The following FAM107B variants were observed in gnomAD, a reference collection of about 807,000 sequenced individuals.
FAM107B encodes the protein protein FAM107B.
In FAM107B, 21 loss-of-function variants were observed where a neutral mutation model predicts 31.5. The ratio of observed to expected loss-of-function variants is 0.67; its 90% confidence interval spans 0.47 to 0.96. The LOEUF is 0.96. FAM107B is among the 40% of genes least tolerant of loss of function. FAM107B has a pLI of 0.00. For synonymous variants in FAM107B, 157 were observed against 141.5 expected, an observed-to-expected ratio of 1.11 and a Z score of -0.78; for missense variants, 452 against 377.1, an observed-to-expected ratio of 1.20 and a Z score of -1.64.
chr10:14,674,828 G>A (rs1315585936), intron 1 of FAM107B, among the ~76,000 whole-genome samples: 4 of 151,998 alleles, frequency 2.6e-5, no homozygotes, highest in African/African-American at 7.2e-5. Context: ...TCAACCTCCC[G>A]GGTTCAAGTG....
At chr10:14,566,276 TCCA>T (rs1469041389) in intron 2 of FAM107B, among the ~76,000 whole-genome samples, 1 of 152,146 alleles carries the variant, frequency 6.6e-6, no homozygotes, top group African/African-American at 2.4e-5. Context: ...CACATTCCTC[TCCA>T]CCTACTGTTC....
At chr10:14,625,259 CGTGT>C (rs55688523) in intron 2 of FAM107B, among the ~76,000 whole-genome samples, 34 of 146,112 alleles carry the variant, frequency 2.3e-4, no homozygotes, top group African/African-American at 2.3e-4. Flanking sequence ...CGTGTGCGTG[CGTGT>C]GTGTGTGTGT....
rs188089391 is a variant in FAM107B, at chr10:14,750,554, G to C, written c.411+23699C>G. Among the ~76,000 whole-genome samples, 46 of 152,324 alleles carry C rather than the reference G, an allele frequency of 3.0e-4. 1 individual carries two copies. In the East Asian group the frequency reaches 7.5e-3, roughly 25 times the overall value. On this transcript the variant is annotated intron_variant, in intron 1 of 4. Transcript: ENST00000181796. ...TTGAACCCGGGAGGGGGAGGTTGCAGTGAGCTGAGATCACGCCACTGCACT... is the reference window on the plus strand; with the variant it reads ...TTGAACCCGGGAGGGGGAGGTTGCACTGAGCTGAGATCACGCCACTGCACT...
chr10:14,767,020 G>GTGTGTATATA (rs1354065285), intron 1 of FAM107B, among the ~76,000 whole-genome samples: 1 of 30,414 alleles, frequency 3.3e-5, no homozygotes, highest in African/African-American at 8.5e-5. Context: ...TCCCTGATGT[G>GTGTGTATATA]TATGTATATA....
chr10:14,693,190 A>G (rs1156506415), intron 1 of FAM107B, among the ~76,000 whole-genome samples: 1 of 152,206 alleles, frequency 6.6e-6, no homozygotes, highest in Non-Finnish European at 1.5e-5. Flanking sequence ...TATTTAAGGT[A>G]TATGGCCGGG....
chr10:14,554,737 G>A (rs1003724655), intron 2 of FAM107B, among the ~76,000 whole-genome samples: 1 of 152,198 alleles, frequency 6.6e-6, no homozygotes, highest in Non-Finnish European at 1.5e-5. Flanking sequence ...GGGTTACACT[G>A]TCCCTTTCTT....
intron 1 of FAM107B, among the ~76,000 whole-genome samples, chr10:14,713,222 C>T (rs1331196647): frequency 2.6e-5 from 4 of 152,172 alleles, no homozygotes; most frequent in Admixed American, 6.5e-5. Context: ...CCATACTGTT[C>T]GTCACCCTTG....
chr10:14,705,754 G>GA, intron 1 of FAM107B, among the ~76,000 whole-genome samples: 1 of 152,168 alleles, frequency 6.6e-6, no homozygotes. Context: ...CAGAGATTCA[G>GA]TTTTTTGCAA....
chr10:14,761,026 A>G (rs1833034370), intron 1 of FAM107B, among the ~76,000 whole-genome samples: 1 of 151,188 alleles, frequency 6.6e-6, no homozygotes, highest in Non-Finnish European at 1.5e-5. Context: ...AAAAAAAAAA[A>G]AAAAAAAAAA....
Position 14,521,878 on chromosome 10 carries a change from C to T in FAM107B, c.795G>A (p.Lys265=), listed in dbSNP as rs759233265. The change falls in exon 4 of 5, where the codon AAG becomes AAA. Residue 265 remains lysine, a synonymous_variant. Transcript: ENST00000181796. The stretch of plus-strand genomic sequence containing the variant: ...AGCCAATCCCCCTTACCTGCTCCAA[C>T]TTCTGCTGCCGTTTTAATAGCTCTA... The part of the protein sequence containing the change: ...LEIELLKRQQ[K]LEQLELEKQK... 2.5e-6 allele frequency: 4 copies of T among 1,613,752 alleles called. No homozygotes were observed. The highest frequency in any genetic ancestry group is 2.7e-5 in the African/African-American group (2 of 74,882).
chr10:14,539,504 A>G (rs1411755644), intron 2 of FAM107B, among the ~76,000 whole-genome samples: 1 of 152,194 alleles, frequency 6.6e-6, no homozygotes, highest in Non-Finnish European at 1.5e-5. Flanking sequence ...AAAACAAAGC[A>G]GTTCTCACAT....
At chr10:14,548,404 G>C in intron 2 of FAM107B, 1 of 985,378 alleles carries the variant, frequency 1.0e-6, no homozygotes. Flanking sequence ...CTTGTACACA[G>C]GTCTGTGAGG....
At chr10:14,647,165 C>T (rs1393055391) in intron 2 of FAM107B, among the ~76,000 whole-genome samples, 3 of 152,044 alleles carry the variant, frequency 2.0e-5, no homozygotes, top group African/African-American at 7.2e-5. Flanking sequence ...GAAAGTCTTC[C>T]ACATAGCAGA....
intron 2 of FAM107B, among the ~76,000 whole-genome samples, chr10:14,599,999 G>A (rs1194773444): frequency 9.9e-5 from 15 of 152,160 alleles, no homozygotes. Context: ...TTCACCTGGT[G>A]TCAAAGCAAC....
intron 2 of FAM107B, among the ~76,000 whole-genome samples, chr10:14,615,336 CAA>C (rs201846000): frequency 6.7e-6 from 1 of 149,354 alleles, no homozygotes; most frequent in Non-Finnish European, 1.5e-5. Context: ...CTCAAAAAAA[CAA>C]AAAAAAAGGC....
intron 2 of FAM107B, among the ~76,000 whole-genome samples, chr10:14,583,507 G>A (rs768322425): frequency 2.6e-5 from 4 of 152,142 alleles, no homozygotes; most frequent in Admixed American, 2.0e-4. Flanking sequence ...TTCTAGAGCT[G>A]AGTATTCTTT....
chr10:14,736,823 A>C (rs1564280559), intron 1 of FAM107B, among the ~76,000 whole-genome samples: 1 of 152,218 alleles, frequency 6.6e-6, no homozygotes, highest in Non-Finnish European at 1.5e-5. Flanking sequence ...ATAGATTCTC[A>C]ATGACTGCAA....
chr10:14,691,672 T>A (rs1855137964), intron 1 of FAM107B, among the ~76,000 whole-genome samples: 1 of 152,056 alleles, frequency 6.6e-6, no homozygotes, highest in Non-Finnish European at 1.5e-5. Context: ...GGCGGTTGGA[T>A]CACTTGAGGT....
intron 1 of FAM107B, among the ~76,000 whole-genome samples, chr10:14,767,524 G>A (rs1232994784): frequency 2.0e-5 from 3 of 151,856 alleles, no homozygotes; most frequent in South Asian, 2.1e-4. Flanking sequence ...TAGAAAAATC[G>A]ATCAGTGTAA....
Sources: gnomAD v4.1 joint callset for allele counts (sites outside exome capture counted in the v4.1 genomes callset) on GRCh38, gnomAD v4.1.1 for gene constraint, MANE v1.5 for transcripts, NCBI Gene and HGNC (gene_info 2026-07-23, HGNC 2026-07-21) for gene names.